Variants in BABAM2 observed in about 807,000 individuals in gnomAD.
BABAM2 encodes BRISC and BRCA1 A complex member 2, also known as BRISC and BRCA1-A complex member 2.
Under a neutral mutation model 54.7 loss-of-function variants are expected in BABAM2, and 31 were observed. The ratio of observed to expected loss-of-function variants is 0.57; its 90% CI spans 0.43 to 0.77. The LOEUF (loss-of-function observed/expected upper bound fraction) is 0.77. BABAM2 is among the 30% of genes least tolerant of loss of function. The pLI, the probability that BABAM2 is intolerant of heterozygous loss-of-function variation, is 0.00. For missense variants in BABAM2, 364 were observed against 455.8 expected (o/e 0.80, Z 1.83); for synonymous variants, 167 against 162.9 (o/e 1.03, Z -0.19).
intron 7 of BABAM2, among the ~76,000 whole-genome samples, chr2:28,219,327 C>T (rs537705011): frequency 6.6e-6 from 1 of 152,236 alleles, no homozygotes; most frequent in South Asian, 2.1e-4. Flanking sequence ...AATGGCAAGT[C>T]CAGTCCCTCT....
Position 27,988,066 on chromosome 2 carries a change from G to A in BABAM2, c.279G>A (p.Leu93=), listed in dbSNP as rs145549560. 11 of 1,613,484 alleles carry A rather than the reference G, an allele frequency of 6.8e-6. No individual in the cohort carries two copies. The highest frequency in any genetic ancestry group is 6.7e-5 in the African/African-American group (5 of 74,966). Residue 93 remains leucine (L), a synonymous_variant, in exon 4 of 12, where the codon CTG becomes CTA. Coordinates refer to ENST00000379624, the MANE Select transcript of BABAM2 (RefSeq NM_199191.3). ...DFIFGEDAEF[L]PDPSALQNLA... is the part of the protein sequence containing the mutation. ...TCTTTGGAGAAGATGCTGAATTCCT[G>A]CCAGACCCCTCAGCTTTGCAGGTGA...
chr2:28,275,202 G>A (rs1685771571), intron 10 of BABAM2, among the ~76,000 whole-genome samples: 1 of 152,204 alleles, frequency 6.6e-6, no homozygotes, highest in Non-Finnish European at 1.5e-5. Flanking sequence ...TGGCCATTTG[G>A]ATGAAGCCAA....
intron 6 of BABAM2, among the ~76,000 whole-genome samples, chr2:28,111,289 C>G (rs1209145303): frequency 6.6e-6 from 1 of 151,934 alleles, no homozygotes; most frequent in Non-Finnish European, 1.5e-5. Flanking sequence ...CCGGCTGTTT[C>G]TATATCTTCT....
intron 2 of BABAM2, among the ~76,000 whole-genome samples, chr2:27,897,491 A>G (rs536884435): frequency 1.3e-5 from 2 of 151,810 alleles, no homozygotes; most frequent in Non-Finnish European, 2.9e-5. Context: ...AGGCAAGAGG[A>G]TTTGGTAGAA....
intron 7 of BABAM2, among the ~76,000 whole-genome samples, chr2:28,159,254 C>T (rs760825657): frequency 1.3e-4 from 20 of 151,996 alleles, no homozygotes; most frequent in South Asian, 2.1e-4. Flanking sequence ...TGAAGATGTC[C>T]GACACTCAAG....
At chr2:28,083,761 C>A (rs541380167) in intron 6 of BABAM2, among the ~76,000 whole-genome samples, 1 of 152,264 alleles carries the variant, frequency 6.6e-6, no homozygotes, top group East Asian at 1.9e-4. Flanking sequence ...TGACTCTTAT[C>A]TTTGTCCCAG....
At chr2:28,303,655 G>T (rs1019645348) in intron 11 of BABAM2, among the ~76,000 whole-genome samples, 3 of 151,958 alleles carry the variant, frequency 2.0e-5, no homozygotes, top group Admixed American at 6.6e-5. Context: ...TAGGTCCTTT[G>T]CATTTTTATA....
In BABAM2 at chr2:28,322,464, C is replaced by T. The variant is rs542403521; in HGVS notation, c.1089-15986C>T. 1.3e-5 allele frequency among the ~76,000 whole-genome samples: 2 copies of T among 152,360 alleles called. No homozygotes were observed. The highest frequency in any genetic ancestry group is 2.9e-5 in the Non-Finnish European group (2 of 68,036). ...AGAAGAACCCTGTAACTCTTAGAGG[C>T]GCCTTTGAGCAACGCGCTCTCAAGG... On this transcript the variant is annotated intron_variant, in intron 11 of 11. Coordinates refer to ENST00000379624, the MANE Select transcript of BABAM2 (RefSeq NM_199191.3). The surrounding 1 kb of genome is among the most constrained non-coding windows in gnomAD (Gnocchi z 4.1).
chr2:28,177,904 G>A (rs1311449591), intron 7 of BABAM2, among the ~76,000 whole-genome samples: 1 of 151,864 alleles, frequency 6.6e-6, no homozygotes, highest in Admixed American at 6.6e-5. Context: ...GATAAAGAAG[G>A]TCATTATATA....
intron 2 of BABAM2, among the ~76,000 whole-genome samples, chr2:27,904,090 TTA>T (rs1666020655): frequency 6.6e-6 from 1 of 152,012 alleles, no homozygotes; most frequent in South Asian, 2.1e-4. Context: ...GTGTAGACAG[TTA>T]TGCTGGACAG....
intron 7 of BABAM2, among the ~76,000 whole-genome samples, chr2:28,161,149 C>T (rs1288347217): frequency 6.6e-6 from 1 of 152,086 alleles, no homozygotes; most frequent in Non-Finnish European, 1.5e-5. Context: ...TATGGGTAGG[C>T]AGTTTTCTTT....
chr2:28,230,402 G>GA (rs1681265474), intron 7 of BABAM2, among the ~76,000 whole-genome samples: 1 of 151,200 alleles, frequency 6.6e-6, no homozygotes, highest in Admixed American at 6.6e-5. Flanking sequence ...TGCTTTGCTA[G>GA]AAAAAAAAGA....
At chr2:28,255,800 G>A (rs968230504) in intron 10 of BABAM2, among the ~76,000 whole-genome samples, 3 of 152,082 alleles carry the variant, frequency 2.0e-5, no homozygotes, top group African/African-American at 7.2e-5. Flanking sequence ...AGAGTAGCTG[G>A]CATTACAGGT....
chr2:27,920,305 C>G (rs923472661), intron 2 of BABAM2, among the ~76,000 whole-genome samples: 1 of 152,062 alleles, frequency 6.6e-6, no homozygotes, highest in African/African-American at 2.4e-5. Context: ...ATGTAAGATT[C>G]CATGAACCAG....
intron 4 of BABAM2, among the ~76,000 whole-genome samples, chr2:27,989,507 A>C (rs1423207207): frequency 6.6e-6 from 1 of 152,208 alleles, no homozygotes; most frequent in Non-Finnish European, 1.5e-5. Flanking sequence ...AGGCACTGAC[A>C]GGTTTGCTGA....
chr2:27,907,779 T>C (rs1002368935), intron 2 of BABAM2, among the ~76,000 whole-genome samples: 3 of 152,214 alleles, frequency 2.0e-5, no homozygotes, highest in Non-Finnish European at 2.9e-5. Flanking sequence ...AGTCATGCAG[T>C]ATTTACCCTT....
rs191930859 is a variant in BABAM2 at position 28,289,765 on chromosome 2, C to T, written c.935-8573C>T. On this transcript the variant is annotated intron_variant, in intron 10 of 11. Coordinates refer to ENST00000379624, the MANE Select transcript of BABAM2 (RefSeq NM_199191.3). ...GAGATCACGCTACCACACTCCACCC[C>T]GTGTGACAGAGAGACTCTGTCTCAA... Among the ~76,000 whole-genome samples, 1,056 of 151,988 alleles carry T rather than the reference C, an allele frequency of 6.9e-3. 13 individuals carry two copies. The highest frequency in any genetic ancestry group is 0.048 in the South Asian group (229 of 4,784).
intron 7 of BABAM2, among the ~76,000 whole-genome samples, chr2:28,192,658 A>G (rs919951349): frequency 6.0e-5 from 9 of 150,574 alleles, no homozygotes; most frequent in Non-Finnish European, 1.3e-4. Context: ...AGTAGCTGGG[A>G]CTACAGGCAC....
chr2:28,257,948 G>A (rs894234950), intron 10 of BABAM2, among the ~76,000 whole-genome samples: 5 of 152,126 alleles, frequency 3.3e-5, no homozygotes, highest in African/African-American at 4.8e-5. Context: ...AGGCTGATGC[G>A]GGCAGATCAC....
Sources: gnomAD v4.1 joint callset for allele counts (sites outside exome capture counted in the v4.1 genomes callset) on GRCh38, gnomAD v4.1.1 for gene constraint, Gnocchi (gnomAD v3.1) non-coding constraint, MANE v1.5 for transcripts, NCBI Gene and HGNC (gene_info 2026-07-23, HGNC 2026-07-21) for gene names.